The following REL variants were observed in gnomAD, a reference collection of about 807,000 sequenced individuals.
The protein encoded by REL is proto-oncogene c-Rel.
Under a neutral mutation model 45.9 loss-of-function variants are expected in REL, and 15 were observed. That is an observed-to-expected ratio of 0.33 (90% confidence interval 0.22 to 0.50). REL has a LOEUF of 0.50. REL is among the 20% of genes least tolerant of loss of function. The pLI, the probability that REL is intolerant of heterozygous loss-of-function variation, is 0.98. For missense variants in REL, 601 were observed against 715.2 expected, an observed-to-expected ratio of 0.84 and a Z score of 1.82; for synonymous variants, 239 against 242.1, an observed-to-expected ratio of 0.99 and a Z score of 0.12.
chr2:60,885,482 CTT>C (rs1331666877), intron 1 of REL, among the ~76,000 whole-genome samples: 21 of 152,084 alleles, frequency 1.4e-4, no homozygotes, highest in Admixed American at 2.0e-4. Flanking sequence ...TTGCCAGAAT[CTT>C]TTACAGTTTT....
intron 4 of REL, among the ~76,000 whole-genome samples, chr2:60,902,922 T>C (rs1673536695): frequency 6.6e-6 from 1 of 152,150 alleles, no homozygotes; most frequent in Non-Finnish European, 1.5e-5. Context: ...ATGTATGTTG[T>C]TTTCATTTTG....
chr2:60,901,942 G>A (rs542498143), intron 4 of REL, among the ~76,000 whole-genome samples: 4 of 152,212 alleles, frequency 2.6e-5, no homozygotes, highest in East Asian at 1.9e-4. Context: ...GCCTCATGCT[G>A]TAAGTATAAA....
At chr2:60,892,462 C>G (rs1470918670) in intron 2 of REL, among the ~76,000 whole-genome samples, 1 of 152,162 alleles carries the variant, frequency 6.6e-6, no homozygotes, top group Admixed American at 6.5e-5. Flanking sequence ...GAGTTTCACA[C>G]TTGTCGCCCA....
chr2:60,886,176 A>G (rs574682365), intron 1 of REL, among the ~76,000 whole-genome samples: 2 of 152,340 alleles, frequency 1.3e-5, no homozygotes, highest in African/African-American at 4.8e-5. Flanking sequence ...AGCAACGTGT[A>G]TCTGGGCTTT....
At chr2:60,891,900 G>A in intron 2 of REL, 75 bp downstream of exon 2, 2 of 1,334,748 alleles carry the variant, frequency 1.5e-6, no homozygotes, top group Non-Finnish European at 2.0e-6. Context: ...ATTTTAAAGG[G>A]CCAGTTTCTT....
intron 1 of REL, among the ~76,000 whole-genome samples, chr2:60,889,916 C>T (rs1288691036): frequency 2.0e-5 from 3 of 152,136 alleles, no homozygotes; most frequent in Non-Finnish European, 4.4e-5. Flanking sequence ...CATACTTGTG[C>T]ATGTGTCTTT....
intron 7 of REL, among the ~76,000 whole-genome samples, chr2:60,919,734 GT>G (rs553693984): frequency 6.6e-6 from 1 of 151,612 alleles, no homozygotes; most frequent in African/African-American, 2.4e-5. Flanking sequence ...CAATTTTTCT[GT>G]TTTTTTATGG....
chr2:60,894,592 G>T, intron 3 of REL, 47 bp downstream of exon 3: 3 of 1,418,224 alleles, frequency 2.1e-6, no homozygotes, highest in South Asian at 1.5e-5. Flanking sequence ...TAAGACATAG[G>T]ATGTTCTGTT....
chr2:60,882,371 A>C (rs561019186), intron 1 of REL, among the ~76,000 whole-genome samples: 1 of 152,262 alleles, frequency 6.6e-6, no homozygotes. Context: ...TTTAAGTGTT[A>C]ATGTTGCTTC....
intron 4 of REL, among the ~76,000 whole-genome samples, chr2:60,913,056 A>G (rs1003760978): frequency 3.9e-5 from 6 of 152,198 alleles, no homozygotes; most frequent in East Asian, 1.9e-4. Context: ...AGTGTTTTCT[A>G]TAAAACTTTT....
chr2:60,911,723 G>A (rs906637243), intron 4 of REL, among the ~76,000 whole-genome samples: 6 of 151,832 alleles, frequency 4.0e-5, no homozygotes, highest in African/African-American at 9.7e-5. Flanking sequence ...TTCCCAGGCC[G>A]GGCGTGGTAG....
At chr2:60,891,934 C>A in intron 2 of REL, 109 bp downstream of exon 2, 3 of 1,099,750 alleles carry the variant, frequency 2.7e-6, no homozygotes, top group Non-Finnish European at 3.8e-6. Flanking sequence ...ACAGGTTTAT[C>A]TTTTTCTTTT....
Position 60,918,500 on chromosome 2 carries a change from T to C in REL, c.747T>C (p.Tyr249=), listed in dbSNP as rs1443809508. 6.2e-7 allele frequency: 1 copy of C among 1,613,980 alleles called. No individual in the cohort carries two copies. Among genetic ancestry groups the C allele is most frequent in the African/African-American group, 1.3e-5 (1 of 74,908 alleles). ...CCATTGTTTTCAAAACTCCACCATATTGCAAAGCTATCACAGAACCCGTAA... is the reference window on the plus strand; with the variant it reads ...CCATTGTTTTCAAAACTCCACCATACTGCAAAGCTATCACAGAACCCGTAA... ...QVAIVFKTPP[Y]CKAITEPVTV... The change falls in exon 7 of 10, where the codon TAT becomes TAC. Residue 249 remains tyrosine, a synonymous_variant. Transcript: ENST00000394479.
intron 5 of REL, 82 bp downstream of exon 5, chr2:60,917,099 G>A (rs1573342457): frequency 1.6e-6 from 2 of 1,221,608 alleles, no homozygotes; most frequent in Non-Finnish European, 2.3e-6. Context: ...TTGGTAATTA[G>A]GAAAACAATA....
At chr2:60,906,913 A>ATTTTTTT (rs1162627805) in intron 4 of REL, among the ~76,000 whole-genome samples, 4 of 104,320 alleles carry the variant, frequency 3.8e-5, no homozygotes, top group African/African-American at 7.9e-5. Flanking sequence ...ATATATATAT[A>ATTTTTTT]TTTTTTTTTT....
intron 4 of REL, among the ~76,000 whole-genome samples, chr2:60,904,375 C>G (rs189630338): frequency 6.6e-6 from 1 of 150,892 alleles, no homozygotes; most frequent in Non-Finnish European, 1.5e-5. Flanking sequence ...GCACTCCAGC[C>G]TGGGCGACAG....
intron 4 of REL, among the ~76,000 whole-genome samples, chr2:60,914,193 C>T (rs1360620261): frequency 6.6e-6 from 1 of 152,170 alleles, no homozygotes; most frequent in African/African-American, 2.4e-5. Flanking sequence ...CCCTCCATTG[C>T]AGAGGATGAA....
chr2:60,903,030 C>G (rs1214131692), intron 4 of REL, among the ~76,000 whole-genome samples: 2 of 152,174 alleles, frequency 1.3e-5, no homozygotes, highest in Non-Finnish European at 2.9e-5. Context: ...CAAGAGTATG[C>G]TCATTTAAAA....
At chr2:60,903,776 C>T (rs917422134) in intron 4 of REL, among the ~76,000 whole-genome samples, 1 of 152,168 alleles carries the variant, frequency 6.6e-6, no homozygotes, top group Admixed American at 6.5e-5. Context: ...AGTGATCCTC[C>T]TGCCTCAGCC....
Sources: allele counts gnomAD v4.1 joint callset (sites outside exome capture counted in the v4.1 genomes callset), GRCh38; gene constraint gnomAD v4.1.1; transcripts MANE v1.5; gene names NCBI Gene and HGNC (gene_info 2026-07-23, HGNC 2026-07-21).